The following RASGRP3 variants were observed in gnomAD, a reference collection of about 807,000 sequenced individuals.
RASGRP3 encodes ras guanyl-releasing protein 3.
Under a neutral mutation model 82.7 loss-of-function variants are expected in RASGRP3, and 54 were observed. The observed-to-expected ratio is 0.65, with a 90% CI of 0.52 to 0.82. The LOEUF (loss-of-function observed/expected upper bound fraction) is 0.82, where lower values mean the gene tolerates loss of function less well. RASGRP3 is among the 40% of genes least tolerant of loss of function. RASGRP3 has a pLI of 0.00. For missense variants in RASGRP3, 861 were observed against 828.9 expected, an observed-to-expected ratio of 1.04 and a Z score of -0.48; for synonymous variants, 309 against 300.5, an observed-to-expected ratio of 1.03 and a Z score of -0.29.
chr2:33,482,327 A>G (rs1668013917), intron 1 of RASGRP3: 1 of 152,180 alleles, frequency 6.6e-6, no homozygotes. Flanking sequence ...GCTTAGGGTA[A>G]TGTTTTTAAA....
intron 15 of RASGRP3, among the ~76,000 whole-genome samples, chr2:33,556,014 A>G (rs565327122): frequency 6.6e-6 from 1 of 152,286 alleles, no homozygotes; most frequent in South Asian, 2.1e-4. Flanking sequence ...TTAAAACGTA[A>G]TTTTGTCCTT....
At chr2:33,544,839 T>G (rs2151080985) in intron 13 of RASGRP3, among the ~76,000 whole-genome samples, 1 of 152,298 alleles carries the variant, frequency 6.6e-6, no homozygotes, top group Non-Finnish European at 1.5e-5. Flanking sequence ...CTAACTATTT[T>G]TTTTTAATTG....
At chr2:33,520,779 C>T in intron 6 of RASGRP3, 95 bp downstream of exon 6, 1 of 1,511,660 alleles carries the variant, frequency 6.6e-7, no homozygotes, top group Non-Finnish European at 9.0e-7. Context: ...CATCCCACTC[C>T]TGAATCCAGG....
At chr2:33,483,486 A>ATTTTTTTT (rs202150682) in intron 1 of RASGRP3, among the ~76,000 whole-genome samples, 1 of 125,932 alleles carries the variant, frequency 7.9e-6, no homozygotes, top group African/African-American at 2.9e-5. Flanking sequence ...TTTAGCCACT[A>ATTTTTTTT]TTTTTTTTTT....
chr2:33,449,527 C>T (rs987849754), intron 2 of RASGRP3, among the ~76,000 whole-genome samples: 35 of 152,108 alleles, frequency 2.3e-4, no homozygotes, highest in South Asian at 6.2e-4. Context: ...TTTGGGAGGC[C>T]GAGGGGGGCA....
Position 33,444,795 on chromosome 2 carries a change from A to G in RASGRP3, c.-384-3025A>G, listed in dbSNP as rs540083299. 2.0e-5 allele frequency among the ~76,000 whole-genome samples: 3 copies of G among 152,350 alleles called. No homozygotes were observed. In the South Asian group the frequency reaches 6.2e-4, roughly 32 times the overall value. On this transcript the variant is annotated intron_variant, in intron 1 of 18. Transcript: ENST00000402538. ...CTCAGTTGAGAATTAGGGCAATAGA[A>G]GTTTTTTTAATAAACATTATCCAAA... is the stretch of plus-strand genomic sequence containing the variant.
intron 2 of RASGRP3, among the ~76,000 whole-genome samples, chr2:33,450,024 C>T (rs1665704040): frequency 6.6e-6 from 1 of 152,162 alleles, no homozygotes; most frequent in African/African-American, 2.4e-5. Context: ...AGTCAGTTGT[C>T]ACTTGGGACT....
At chr2:33,542,199 G>T (rs563815435) in intron 12 of RASGRP3, among the ~76,000 whole-genome samples, 1 of 147,324 alleles carries the variant, frequency 6.8e-6, no homozygotes, top group African/African-American at 2.4e-5. Flanking sequence ...TAACTCAACA[G>T]CAGTTATTGG....
chr2:33,549,110 G>T (rs779465982), intron 13 of RASGRP3, among the ~76,000 whole-genome samples: 2 of 152,112 alleles, frequency 1.3e-5, no homozygotes, highest in Non-Finnish European at 2.9e-5. Flanking sequence ...CCAGCCAGTC[G>T]CAGTGAATGG....
intron 10 of RASGRP3, among the ~76,000 whole-genome samples, chr2:33,530,597 C>A (rs1167090242): frequency 6.7e-6 from 1 of 150,002 alleles, no homozygotes; most frequent in African/African-American, 2.5e-5. Flanking sequence ...GGGTTCCCCT[C>A]AAATGGACAT....
At chr2:33,445,156 C>T (rs1328826859) in intron 1 of RASGRP3, among the ~76,000 whole-genome samples, 1 of 152,194 alleles carries the variant, frequency 6.6e-6, no homozygotes, top group Non-Finnish European at 1.5e-5. Context: ...TCATGCCAGT[C>T]AGCTGGTGTG....
chr2:33,502,908 C>T (rs1360011582), intron 1 of RASGRP3, among the ~76,000 whole-genome samples: 1 of 152,148 alleles, frequency 6.6e-6, no homozygotes, highest in Non-Finnish European at 1.5e-5. Flanking sequence ...ACTAATGAGT[C>T]CAAAATACAC....
intron 4 of RASGRP3, 52 bp from the exon 5 acceptor site, chr2:33,519,900 G>C (rs369737208): frequency 1.6e-6 from 2 of 1,281,234 alleles, no homozygotes; most frequent in African/African-American, 1.5e-5. Flanking sequence ...ACAGCTGCAG[G>C]GGTGTGCAAA....
At chr2:33,492,506 G>T (rs1479780329) in intron 1 of RASGRP3, among the ~76,000 whole-genome samples, 1 of 152,162 alleles carries the variant, frequency 6.6e-6, no homozygotes, top group Non-Finnish European at 1.5e-5. Flanking sequence ...CAATATGACT[G>T]TGTTTGAAGA....
intron 5 of RASGRP3, 25 bp from the exon 6 acceptor site, chr2:33,520,528 G>C: frequency 6.2e-7 from 1 of 1,611,596 alleles, no homozygotes; most frequent in Non-Finnish European, 8.5e-7. Flanking sequence ...TCTTCCAGCT[G>C]CCAAAAATAT....
chr2:33,546,872 G>A (rs991562322), intron 13 of RASGRP3, among the ~76,000 whole-genome samples: 1 of 152,006 alleles, frequency 6.6e-6, no homozygotes, highest in Non-Finnish European at 1.5e-5. Context: ...CTCGAGACCA[G>A]TCTGACCAAC....
rs141203941 is a variant in RASGRP3, at chr2:33,464,096, TTAA to T, written c.-261+16167_-261+16169del. 5.4e-3 allele frequency among the ~76,000 whole-genome samples: 724 copies of T among 134,524 alleles called. 8 individuals are homozygous for T. The highest frequency in any genetic ancestry group is 0.018 in the African/African-American group (651 of 37,140). 88.3% of individuals were successfully genotyped at this position (134,524 alleles called of 152,430 possible). On this transcript the variant is annotated intron_variant, in intron 2 of 18. Coordinates refer to the RASGRP3 transcript ENST00000402538. ...TTAGTAATTCTTGCAATATTCAAAC[TTAA>T]TAATAATAATAATTATTATTATTAT...
intron 1 of RASGRP3, among the ~76,000 whole-genome samples, chr2:33,508,129 C>T (rs138506143): frequency 3.0e-4 from 46 of 152,160 alleles, no homozygotes; most frequent in African/African-American, 9.9e-4. Context: ...CATTCCCCTG[C>T]GATTGAGAAA....
intron 1 of RASGRP3, among the ~76,000 whole-genome samples, chr2:33,436,829 G>C (rs372950142): frequency 6.6e-6 from 1 of 152,048 alleles, no homozygotes; most frequent in African/African-American, 2.4e-5. Flanking sequence ...ACTTTCTTCA[G>C]TTTCATTATT....
Sources: gnomAD v4.1 joint callset for allele counts (sites outside exome capture counted in the v4.1 genomes callset) on GRCh38, gnomAD v4.1.1 for gene constraint, MANE v1.5 for transcripts, NCBI Gene and HGNC (gene_info 2026-07-23, HGNC 2026-07-21) for gene names.